The following LRRTM4 variants were observed in gnomAD, a reference collection of about 807,000 sequenced individuals.
LRRTM4 encodes leucine-rich repeat transmembrane neuronal protein 4.
Under a neutral mutation model 47.6 loss-of-function variants are expected in LRRTM4, and 25 were observed. That is an observed-to-expected ratio of 0.53 (90% CI 0.38 to 0.73). The LOEUF (loss-of-function observed/expected upper bound fraction) is 0.73. LRRTM4 is among the 30% of genes least tolerant of loss of function. The probability of loss-of-function intolerance (pLI) is 0.00; values close to 1 mark genes in which losing one functional copy is unlikely to be tolerated. For missense variants in LRRTM4, 638 were observed against 713.4 expected (o/e 0.89, Z 1.20); for synonymous variants, 311 against 269.5 (o/e 1.15, Z -1.51).
chr2:77,031,200 C>T (rs925798653), intron 3 of LRRTM4, among the ~76,000 whole-genome samples: 2 of 152,098 alleles, frequency 1.3e-5, no homozygotes, highest in African/African-American at 4.8e-5. Flanking sequence ...TGTTTGTTTA[C>T]ATGCCAAATA....
intron 3 of LRRTM4, among the ~76,000 whole-genome samples, chr2:77,332,087 T>C (rs1348213870): frequency 6.6e-6 from 1 of 152,156 alleles, no homozygotes; most frequent in Admixed American, 6.5e-5. Context: ...TCCCCAGTTT[T>C]CTAGAAAAAT....
At chr2:76,812,964 A>T (rs1278475684) in intron 3 of LRRTM4, among the ~76,000 whole-genome samples, 1 of 151,888 alleles carries the variant, frequency 6.6e-6, no homozygotes, top group Non-Finnish European at 1.5e-5. Flanking sequence ...TCTAAAAAAA[A>T]GACTCCTCAA....
chr2:77,509,942 C>A (rs975948280), intron 3 of LRRTM4, among the ~76,000 whole-genome samples: 39 of 152,248 alleles, frequency 2.6e-4, no homozygotes, highest in Non-Finnish European at 5.0e-4. Context: ...GACCATCAAC[C>A]TAAAGTACTT....
chr2:77,127,915 C>T (rs187515920), intron 3 of LRRTM4, among the ~76,000 whole-genome samples: 15 of 152,204 alleles, frequency 9.9e-5, no homozygotes, highest in African/African-American at 3.1e-4. Context: ...GAGGCCAAGG[C>T]GGGCGGATCA....
At chr2:77,278,549 T>C (rs1676427129) in intron 3 of LRRTM4, among the ~76,000 whole-genome samples, 1 of 151,598 alleles carries the variant, frequency 6.6e-6, no homozygotes, top group Admixed American at 6.6e-5. Context: ...AAAAAAAAAA[T>C]TCCCAAAACT....
At chr2:76,874,765 G>A (rs1392938168) in intron 3 of LRRTM4, among the ~76,000 whole-genome samples, 1 of 151,790 alleles carries the variant, frequency 6.6e-6, no homozygotes, top group African/African-American at 2.4e-5. Context: ...TCAGGCTCTT[G>A]ATACTAGACC....
At chr2:76,862,370 C>G (rs1219286801) in intron 3 of LRRTM4, among the ~76,000 whole-genome samples, 1 of 152,110 alleles carries the variant, frequency 6.6e-6, no homozygotes, top group Admixed American at 6.6e-5. Flanking sequence ...CTAGCAATCA[C>G]TTTTTATTTG....
intron 3 of LRRTM4, among the ~76,000 whole-genome samples, chr2:76,897,398 TG>T (rs202049766): frequency 0.012 from 1,811 of 152,262 alleles, 34 homozygotes; most frequent in African/African-American, 0.041. Flanking sequence ...CCAACTCTAT[TG>T]GGCATAAATA....
chr2:76,814,404 TA>T (rs1670837390), intron 3 of LRRTM4, among the ~76,000 whole-genome samples: 1 of 152,014 alleles, frequency 6.6e-6, no homozygotes, highest in Admixed American at 6.6e-5. Flanking sequence ...TGGCTGTTTG[TA>T]TTCTTTAACA....
chr2:76,907,129 T>G (rs1573293784), intron 3 of LRRTM4, among the ~76,000 whole-genome samples: 1 of 151,398 alleles, frequency 6.6e-6, no homozygotes, highest in Non-Finnish European at 1.5e-5. Flanking sequence ...AGAACAGAAA[T>G]TATAACAAAC....
chr2:76,865,461 A>G (rs1672438084), intron 3 of LRRTM4, among the ~76,000 whole-genome samples: 1 of 152,206 alleles, frequency 6.6e-6, no homozygotes, highest in Admixed American at 6.5e-5. Context: ...TATCCAAAGA[A>G]ACAATTTACA....
chr2:77,480,697 C>A (rs1193739202), intron 3 of LRRTM4, among the ~76,000 whole-genome samples: 1 of 151,734 alleles, frequency 6.6e-6, no homozygotes, highest in African/African-American at 2.4e-5. Flanking sequence ...TCACAATTTA[C>A]AAAAAGAATA....
chr2:77,294,215 G>A (rs1233462499), intron 3 of LRRTM4, among the ~76,000 whole-genome samples: 1 of 151,922 alleles, frequency 6.6e-6, no homozygotes, highest in Admixed American at 6.6e-5. Context: ...AGTATATTTG[G>A]AATAATATAA....
chr2:76,965,818 AT>A (rs1010662416), intron 3 of LRRTM4, among the ~76,000 whole-genome samples: 1 of 151,468 alleles, frequency 6.6e-6, no homozygotes, highest in Non-Finnish European at 1.5e-5. Context: ...ATATGTGCTC[AT>A]TTAGGACAAT....
At chr2:77,369,917 A>ACCAC (rs1390546685) in intron 3 of LRRTM4, among the ~76,000 whole-genome samples, 2 of 151,854 alleles carry the variant, frequency 1.3e-5, no homozygotes, top group Non-Finnish European at 2.9e-5. Flanking sequence ...ATCTTATGGT[A>ACCAC]CCACCATTGT....
chr2:77,350,357 A>AAT (rs1573294768), intron 3 of LRRTM4, among the ~76,000 whole-genome samples: 1 of 148,970 alleles, frequency 6.7e-6, no homozygotes, highest in East Asian at 1.9e-4. Context: ...AAAAAAAAAA[A>AAT]AAAAAAGAAA....
intron 3 of LRRTM4, among the ~76,000 whole-genome samples, chr2:77,108,578 C>CTTTTTTTTTTTTTTTTTT (rs200805423): frequency 1.4e-5 from 2 of 142,950 alleles, no homozygotes; most frequent in Non-Finnish European, 1.5e-5. Context: ...CACAAACATT[C>CTTTTTTTTTTTTTTTTTT]TTTTTTTTTT....
At chr2:77,157,151 A>G (rs561238787) in intron 3 of LRRTM4, among the ~76,000 whole-genome samples, 2 of 152,310 alleles carry the variant, frequency 1.3e-5, no homozygotes, top group South Asian at 4.1e-4. Flanking sequence ...GAGTCATCAC[A>G]TTAATGCATT....
chr2:77,372,869 C>A (rs1049733112), intron 3 of LRRTM4, among the ~76,000 whole-genome samples: 4 of 150,874 alleles, frequency 2.7e-5, no homozygotes, highest in African/African-American at 4.9e-5. Context: ...AAATTCAATT[C>A]TTTCTGGAAA....
Sources: allele counts gnomAD v4.1 joint callset (sites outside exome capture counted in the v4.1 genomes callset), GRCh38; gene constraint gnomAD v4.1.1; transcripts MANE v1.5; gene names NCBI Gene and HGNC (gene_info 2026-07-23, HGNC 2026-07-21).